Variants in COX7A2 observed in about 807,000 individuals in gnomAD.
The protein encoded by COX7A2 is cytochrome c oxidase subunit 7A2.
COX7A2 carries 11 observed loss-of-function variants against 11.6 expected under a neutral mutation model. The ratio of observed to expected loss-of-function variants is 0.95; its 90% confidence interval spans 0.60 to 1.57. The LOEUF (loss-of-function observed/expected upper bound fraction) is 1.57, where lower values mean the gene tolerates loss of function less well. Ranked by LOEUF, COX7A2 falls within the 40% of genes most tolerant of loss-of-function variation. The pLI, the probability that COX7A2 is intolerant of heterozygous loss-of-function variation, is 0.00. For missense variants in COX7A2, 106 were observed against 100.9 expected (o/e 1.05, Z -0.22); for synonymous variants, 30 against 38.2 (o/e 0.78, Z 0.79).
intron 3 of COX7A2, among the ~76,000 whole-genome samples, chr6:75,239,989 T>C (rs1771441464): frequency 6.6e-6 from 1 of 151,970 alleles, no homozygotes; most frequent in South Asian, 2.1e-4. Flanking sequence ...TAATCCCAGC[T>C]ACTCGGGAGG....
intron 1 of COX7A2, 125 bp downstream of exon 1, chr6:75,243,592 G>C: frequency 1.2e-6 from 1 of 814,624 alleles, no homozygotes; most frequent in Admixed American, 2.1e-5. Flanking sequence ...AAAAGGACAC[G>C]AATCAAGGTG....
chr6:75,240,994 G>T, intron 2 of COX7A2, 182 bp downstream of exon 2: 2 of 627,400 alleles, frequency 3.2e-6, no homozygotes, highest in Non-Finnish European at 4.9e-6. Context: ...AAATTGCTCT[G>T]CTCCACCAGG....
intron 1 of COX7A2, among the ~76,000 whole-genome samples, chr6:75,242,188 G>T (rs1771523400): frequency 6.6e-6 from 1 of 150,856 alleles, no homozygotes; most frequent in African/African-American, 2.4e-5. Context: ...CAAAAAGAGT[G>T]AAACTCCATC....
At chr6:75,246,249 T>C (rs1771680405), upstream of COX7A2, among the ~76,000 whole-genome samples, 1 of 152,224 alleles carries the variant, frequency 6.6e-6, no homozygotes, top group African/African-American at 2.4e-5. Context: ...CAAACAAAAC[T>C]GAATTCTACT....
upstream of COX7A2, among the ~76,000 whole-genome samples, chr6:75,248,081 C>CTTTTTTTTTTTTTTT: frequency 6.6e-4 from 7 of 10,676 alleles, 2 homozygotes; most frequent in African/African-American, 2.1e-3. Flanking sequence ...CATCCTTTAT[C>CTTTTTTTTTTTTTTT]TTTTTTTTTT....
Position 75,243,786 on chromosome 6 carries a change from T to A in COX7A2, c.-52A>T, listed in dbSNP as rs776425585. 1 of 1,613,962 alleles carries A rather than the reference T, an allele frequency of 6.2e-7. No homozygotes were observed. Among genetic ancestry groups the A allele is most frequent in the Non-Finnish European group, 8.5e-7 (1 of 1,179,994 alleles). On this transcript the variant is annotated 5_prime_UTR_variant, in exon 1 of 4. Transcript: ENST00000684430. ...CACAACTGAACACCACCAACGAAAA[T>A]GGCCACGCCGGAACCGGAACTACCT...
At chr6:75,243,982 A>G (rs1347914638), upstream of COX7A2, 3 of 641,030 alleles carry the variant, frequency 4.7e-6, no homozygotes, top group African/African-American at 1.8e-5. Flanking sequence ...TTCGATGTTC[A>G]GTAGGCTGGT....
upstream of COX7A2, among the ~76,000 whole-genome samples, chr6:75,246,854 T>G (rs76930599): frequency 9.5e-4 from 144 of 152,320 alleles, no homozygotes; most frequent in African/African-American, 3.2e-3. Context: ...ACAAACTTTA[T>G]TGCATCTTCC....
At position 75,237,947 on chromosome 6, in the gene COX7A2, G is replaced by C. The variant is rs1212430097; in HGVS notation, c.235C>G (p.Pro79Ala). ...AIYELAVASF[P>A]KKQE ...GACTGAAGTCACTCCTGCTTCTTGG[G>C]AAATGAAGCCACAGCCAGCTCATAT... Residue 79 changes from proline (P) to alanine (A), a missense_variant, in exon 4 of 4, where the codon CCC becomes GCC. Transcript: ENST00000684430. 2 of 1,605,552 alleles carry C rather than the reference G, an allele frequency of 1.2e-6. No homozygotes were observed. Among genetic ancestry groups the C allele is most frequent in the African/African-American group, 1.3e-5 (1 of 74,802 alleles).
At position 75,240,300 on chromosome 6, in the gene COX7A2, C is replaced by A. The variant is rs1437736023; in HGVS notation, c.193+1G>T. 4 of 1,606,684 alleles carry A rather than the reference C, an allele frequency of 2.5e-6. No individual in the cohort carries two copies. The South Asian group carries it at 3.3e-5, about 13-fold the overall frequency. On this transcript the variant is annotated splice_donor_variant, in intron 3 of 3. Coordinates refer to ENST00000684430, the MANE Select transcript of COX7A2 (RefSeq NM_001366293.2). LOFTEE classifies it high-confidence loss of function. ...ACCTTCAAACATTCCAAAGGCCTTA[C>A]CACCAACTGTAAGAATCATGGTGGC...
chr6:75,243,423 C>T (rs532570722), intron 1 of COX7A2, among the ~76,000 whole-genome samples: 159 of 152,228 alleles, frequency 1.0e-3, no homozygotes, highest in African/African-American at 3.7e-3. Flanking sequence ...AGCTACTAAC[C>T]TCATCAATGA....
intron 1 of COX7A2, among the ~76,000 whole-genome samples, chr6:75,249,871 G>A (rs775136313): frequency 2.0e-5 from 3 of 152,194 alleles, no homozygotes; most frequent in Non-Finnish European, 4.4e-5. Flanking sequence ...ATTAGGGTCA[G>A]AGAGTCTGTC....
chr6:75,249,603 G>C (rs1490428075), intron 1 of COX7A2, among the ~76,000 whole-genome samples: 2 of 152,204 alleles, frequency 1.3e-5, no homozygotes, highest in African/African-American at 4.8e-5. Flanking sequence ...GGGAAGAAAG[G>C]TTGGGTAAGA....
upstream of COX7A2, among the ~76,000 whole-genome samples, chr6:75,244,672 T>C (rs1771641953): frequency 6.6e-6 from 1 of 152,158 alleles, no homozygotes; most frequent in Non-Finnish European, 1.5e-5. Flanking sequence ...TTCTACAAAC[T>C]CTTACAAATT....
At chr6:75,242,693 G>A (rs1345568803) in intron 1 of COX7A2, among the ~76,000 whole-genome samples, 1 of 151,574 alleles carries the variant, frequency 6.6e-6, no homozygotes, top group Non-Finnish European at 1.5e-5. Flanking sequence ...GGTGGCGAGC[G>A]CCTGTAATCC....
chr6:75,249,503 C>T (rs1771748025), intron 1 of COX7A2, among the ~76,000 whole-genome samples: 1 of 152,140 alleles, frequency 6.6e-6, no homozygotes, highest in Non-Finnish European at 1.5e-5. Context: ...TCTATTTATA[C>T]CTCAGTTTCT....
chr6:75,244,864 C>G (rs1375966138), upstream of COX7A2, among the ~76,000 whole-genome samples: 1 of 152,184 alleles, frequency 6.6e-6, no homozygotes, highest in Admixed American at 6.5e-5. Context: ...TATAAACACC[C>G]CAATTCATGT....
chr6:75,245,443 A>C (rs1771661008), upstream of COX7A2, among the ~76,000 whole-genome samples: 1 of 149,428 alleles, frequency 6.7e-6, no homozygotes, highest in East Asian at 2.0e-4. Flanking sequence ...GTGAGCCAAG[A>C]TCGCTCCACT....
chr6:75,243,969 C>T (rs1771617439), upstream of COX7A2: 2 of 707,378 alleles, frequency 2.8e-6, no homozygotes, highest in East Asian at 2.8e-5. Flanking sequence ...CGTTCCTGAC[C>T]TTTTCGATGT....
Sources: gnomAD v4.1 joint callset for allele counts (sites outside exome capture counted in the v4.1 genomes callset) on GRCh38, gnomAD v4.1.1 for gene constraint, MANE v1.5 for transcripts, NCBI Gene and HGNC (gene_info 2026-07-23, HGNC 2026-07-21) for gene names.